Variants in WIPF3 observed in about 807,000 individuals in gnomAD.
The protein encoded by WIPF3 is WAS/WASL-interacting protein family member 3.
Under a neutral mutation model 38.9 loss-of-function variants are expected in WIPF3, and 33 were observed. The ratio of observed to expected loss-of-function variants is 0.85; its 90% CI spans 0.64 to 1.14. The LOEUF (loss-of-function observed/expected upper bound fraction) is 1.14, where lower values mean the gene tolerates loss of function less well. Among genes scored for constraint, WIPF3 ranks in the 50% most tolerant of loss-of-function variants. The probability of loss-of-function intolerance (pLI) is 0.00; values close to 1 mark genes in which losing one functional copy is unlikely to be tolerated. For missense variants in WIPF3, 711 were observed against 652.5 expected (o/e 1.09, Z -0.98); for synonymous variants, 324 against 269.3 (o/e 1.20, Z -1.99).
intron 2 of WIPF3, among the ~76,000 whole-genome samples, chr7:29,842,803 A>G (rs1784934663): frequency 6.6e-6 from 1 of 152,240 alleles, no homozygotes; most frequent in African/African-American, 2.4e-5. Flanking sequence ...GGTGCTTAGT[A>G]GAATTGCATA....
intron 7 of WIPF3, among the ~76,000 whole-genome samples, chr7:29,896,350 C>T (rs150341156): frequency 1.5e-3 from 221 of 152,156 alleles, no homozygotes; most frequent in African/African-American, 4.9e-3. Flanking sequence ...TACAGTGGCT[C>T]ATGTCTCTAA....
chr7:29,820,278 T>C (rs1784516166), intron 1 of WIPF3, among the ~76,000 whole-genome samples: 1 of 152,150 alleles, frequency 6.6e-6, no homozygotes, highest in East Asian at 1.9e-4. Flanking sequence ...ATGGTTTTTA[T>C]GGTGATTTGA....
chr7:29,820,544 T>G (rs1691572301), intron 1 of WIPF3, among the ~76,000 whole-genome samples: 3 of 152,146 alleles, frequency 2.0e-5, no homozygotes, highest in Admixed American at 2.0e-4. Context: ...CTATCTTTAG[T>G]TCTTCTAGCA....
chr7:29,886,134 G>A (rs941471638), intron 5 of WIPF3, among the ~76,000 whole-genome samples: 2 of 151,626 alleles, frequency 1.3e-5, no homozygotes, highest in Admixed American at 6.6e-5. Flanking sequence ...TTTAATCCAC[G>A]TTTTTGATAT....
intron 2 of WIPF3, among the ~76,000 whole-genome samples, chr7:29,873,701 G>A (rs547258238): frequency 1.2e-4 from 19 of 152,106 alleles, no homozygotes; most frequent in Non-Finnish European, 1.3e-4. Flanking sequence ...CCACTTTCTT[G>A]TTGACCATCA....
chr7:29,857,083 C>T (rs1562778906), intron 2 of WIPF3, among the ~76,000 whole-genome samples: 1 of 152,000 alleles, frequency 6.6e-6, no homozygotes. Flanking sequence ...TGATAAGAGA[C>T]CTTGGTGATT....
rs1786353233 is a variant in WIPF3, at chr7:29,904,477, T to C, written c.1428+115T>C. ...CTTTATATTTTTCCTCACACTCCTT[T>C]TCCTCAGGGAAAGCCATTTGGTGGA... On this transcript the variant is annotated intron_variant, in intron 8 of 8. Coordinates refer to ENST00000242140, the MANE Select transcript of WIPF3 (RefSeq NM_001080529.3). 3.6e-6 allele frequency: 4 copies of C among 1,096,430 alleles called. No homozygotes were observed. In the East Asian group the frequency reaches 9.7e-5, roughly 27 times the overall value. 67.9% of individuals were successfully genotyped at this position (1,096,430 alleles called of 1,614,324 possible).
chr7:29,868,279 CAG>C (rs568692906), intron 2 of WIPF3, among the ~76,000 whole-genome samples: 88 of 152,182 alleles, frequency 5.8e-4, no homozygotes, highest in Admixed American at 1.8e-3. Context: ...AAAGAAGAGA[CAG>C]GGGATAAACC....
chr7:29,855,558 C>T (rs2128069565), intron 2 of WIPF3, among the ~76,000 whole-genome samples: 1 of 152,328 alleles, frequency 6.6e-6, no homozygotes, highest in South Asian at 2.1e-4. Context: ...CTCTCACATG[C>T]CATGCAGCAG....
chr7:29,827,644 G>A (rs1433078102), intron 1 of WIPF3, among the ~76,000 whole-genome samples: 1 of 152,036 alleles, frequency 6.6e-6, no homozygotes, highest in African/African-American at 2.4e-5. Flanking sequence ...TGGTTCAGAA[G>A]TGAGAAATCA....
intron 8 of WIPF3, among the ~76,000 whole-genome samples, chr7:29,907,714 T>A (rs1368018584): frequency 6.6e-6 from 1 of 152,212 alleles, no homozygotes; most frequent in African/African-American, 2.4e-5. Flanking sequence ...CAAGACACCA[T>A]ATCTGTTGGT....
chr7:29,814,127 G>A (rs1163555641), intron 1 of WIPF3, among the ~76,000 whole-genome samples: 1 of 152,058 alleles, frequency 6.6e-6, no homozygotes, highest in African/African-American at 2.4e-5. Context: ...TGCCATGTTG[G>A]CCAGGCTGGT....
chr7:29,835,003 C>A (rs1309219935), intron 2 of WIPF3, among the ~76,000 whole-genome samples, 189 bp downstream of exon 2: 1 of 152,056 alleles, frequency 6.6e-6, no homozygotes, highest in Non-Finnish European at 1.5e-5. Context: ...TTCTCTCCCC[C>A]ATTCTTCGGC....
rs1785784446 is a variant in WIPF3, at chr7:29,884,035, C to G, written c.541C>G (p.Pro181Ala). ...TGCCCCGCCCCCTCCCACCCCACCC[C>G]CTCCGCCTCCACCCTTACCCCCGCC... is the stretch of plus-strand genomic sequence containing the variant. ...VPAPPPPTPP[P>A]PPPPLPPPLP... Residue 181 changes from proline to alanine, a missense_variant, in exon 5 of 9, where the codon CCT becomes GCT. Transcript: ENST00000242140. The G allele has an allele frequency of 2.1e-6, 3 of 1,440,794 alleles. No homozygotes were observed. Among genetic ancestry groups the G allele is most frequent in the South Asian group, 1.4e-5 (1 of 71,430 alleles). 89.3% of individuals were successfully genotyped at this position (1,440,794 alleles called of 1,614,324 possible). A position where few individuals can be genotyped will look rare whatever the true frequency, so the allele number is the denominator to read the frequency against.
intron 2 of WIPF3, among the ~76,000 whole-genome samples, chr7:29,851,434 C>G (rs1257007588): frequency 6.6e-6 from 1 of 152,266 alleles, no homozygotes; most frequent in East Asian, 1.9e-4. Context: ...AATCCTGACC[C>G]TCATCTGGGA....
chr7:29,834,960 G>A, intron 2 of WIPF3, 146 bp downstream of exon 2: 1 of 1,002,334 alleles, frequency 1.0e-6, no homozygotes, highest in Non-Finnish European at 1.4e-6. Flanking sequence ...GGCAGCTTTA[G>A]AGTCTGATTC....
At chr7:29,897,821 G>A (rs1334634794) in intron 7 of WIPF3, among the ~76,000 whole-genome samples, 1 of 152,160 alleles carries the variant, frequency 6.6e-6, no homozygotes, top group Non-Finnish European at 1.5e-5. Flanking sequence ...GGTGAAGCCT[G>A]GTTTTTACTG....
In WIPF3 at chr7:29,878,940, G is replaced by A. The variant is rs1250405637; in HGVS notation, c.224-69G>A. The A allele has an allele frequency of 6.6e-7, 1 of 1,526,022 alleles. No individual in the cohort carries two copies. The highest frequency in any genetic ancestry group is 8.9e-7 in the Non-Finnish European group (1 of 1,124,660). 94.5% of individuals were successfully genotyped at this position (1,526,022 alleles called of 1,614,324 possible). A position where few individuals can be genotyped will look rare whatever the true frequency, so the allele number is the denominator to read the frequency against. On this transcript the variant is annotated intron_variant, in intron 3 of 8. Coordinates refer to ENST00000242140, the MANE Select transcript of WIPF3 (RefSeq NM_001080529.3). The surrounding 1 kb of genome is among the most constrained non-coding windows in gnomAD (Gnocchi z 4.0). The stretch of plus-strand genomic sequence containing the variant: ...AGTGGTAGACCAGTGTTAGACCATG[G>A]TCTGAAATGAGACCTGGCTGCTCAG...
chr7:29,900,152 G>T (rs1249081502), intron 7 of WIPF3, among the ~76,000 whole-genome samples: 1 of 150,228 alleles, frequency 6.7e-6, no homozygotes, highest in African/African-American at 2.5e-5. Flanking sequence ...TGTTCAGGCT[G>T]TTCTCAACTC....
Sources: gnomAD v4.1 joint callset for allele counts (sites outside exome capture counted in the v4.1 genomes callset) on GRCh38, gnomAD v4.1.1 for gene constraint, Gnocchi (gnomAD v3.1) non-coding constraint, MANE v1.5 for transcripts, NCBI Gene and HGNC (gene_info 2026-07-23, HGNC 2026-07-21) for gene names.